The following CLNK variants were observed in gnomAD, a reference collection of about 807,000 sequenced individuals.
The protein encoded by CLNK is cytokine dependent hematopoietic cell linker, also known as cytokine-dependent hematopoietic cell linker.
CLNK carries 74 observed loss-of-function variants against 68.6 expected under a neutral mutation model. That is an observed-to-expected ratio of 1.08 (90% CI 0.89 to 1.31). The LOEUF is 1.31. Ranked by LOEUF, CLNK falls within the 50% of genes most tolerant of loss-of-function variation. CLNK has a pLI of 0.00. For missense variants in CLNK, 553 were observed against 515.3 expected, an observed-to-expected ratio of 1.07 and a Z score of -0.71; for synonymous variants, 198 against 172.2, an observed-to-expected ratio of 1.15 and a Z score of -1.17.
At chr4:10,720,583 G>A in the CLNK span, among the ~76,000 whole-genome samples, 2 of 150,524 alleles carry the variant, frequency 1.3e-5, no homozygotes, top group Non-Finnish European at 3.0e-5. Flanking sequence ...TCCGCAAAAC[G>A]TGTACCATTT....
At chr4:10,602,639 A>G (rs1721631387) in intron 2 of CLNK, among the ~76,000 whole-genome samples, 1 of 152,194 alleles carries the variant, frequency 6.6e-6, no homozygotes, top group South Asian at 2.1e-4. Flanking sequence ...GAACGGTGAG[A>G]GTAAATCTCT....
the CLNK span, among the ~76,000 whole-genome samples, chr4:10,717,489 G>A: frequency 4.6e-5 from 7 of 152,262 alleles, no homozygotes; most frequent in South Asian, 8.3e-4. Context: ...CCAGCTCCTC[G>A]GGAGGCTGAG....
rs145258318 is a variant in CLNK at position 10,608,409 on chromosome 4, A to C, written c.12-10360T>G. On this transcript the variant is annotated intron_variant, in intron 2 of 18. Coordinates refer to ENST00000226951, the MANE Select transcript of CLNK (RefSeq NM_052964.4). The stretch of plus-strand genomic sequence containing the variant: ...CTCTCCTTGGTCTTCTGGTACCAGC[A>C]CAGATGCCATCCTTTCCAATAATCT... 2.0e-5 allele frequency among the ~76,000 whole-genome samples: 3 copies of C among 152,150 alleles called. No individual in the cohort carries two copies. In the South Asian group the frequency reaches 6.2e-4, roughly 32 times the overall value.
chr4:10,727,547 A>AGT, the CLNK span, among the ~76,000 whole-genome samples: 1 of 152,216 alleles, frequency 6.6e-6, no homozygotes, highest in Non-Finnish European at 1.5e-5. Context: ...GCTATTCTAA[A>AGT]GTGTGATCAG....
At chr4:10,618,879 A>G (rs1463513736) in intron 2 of CLNK, among the ~76,000 whole-genome samples, 1 of 152,174 alleles carries the variant, frequency 6.6e-6, no homozygotes, top group Non-Finnish European at 1.5e-5. Flanking sequence ...GGATCCAATC[A>G]CGTCCCACCA....
chr4:10,605,868 G>GAAAGA, intron 2 of CLNK, among the ~76,000 whole-genome samples: 1 of 148,310 alleles, frequency 6.7e-6, no homozygotes, highest in South Asian at 2.1e-4. Context: ...AAAAGAAAAG[G>GAAAGA]AAGTGGTATA....
At chr4:10,537,803 TC>T (rs1718860124) in intron 11 of CLNK, among the ~76,000 whole-genome samples, 1 of 150,548 alleles carries the variant, frequency 6.6e-6, no homozygotes, top group Non-Finnish European at 1.5e-5. Context: ...GTTTGTTCTT[TC>T]TTTTCTTTTC....
chr4:10,535,331 A>G lies in CLNK; in HGVS notation c.603-3048T>C, dbSNP rs552943370. Among the ~76,000 whole-genome samples the G allele has an allele frequency of 3.3e-5, 5 of 152,308 alleles. No homozygotes were observed. The South Asian group carries it at 1.0e-3, about 32-fold the overall frequency. ...CTTAAATATTGGGTGCTTCATTTAA[A>G]TTATATTTTGGCTGAACCCTGCACC... is the stretch of plus-strand genomic sequence containing the variant. On this transcript the variant is annotated intron_variant, in intron 11 of 18. Transcript: ENST00000226951.
chr4:10,647,192 C>A (rs1278147122), intron 2 of CLNK, among the ~76,000 whole-genome samples: 2 of 152,096 alleles, frequency 1.3e-5, no homozygotes, highest in African/African-American at 4.8e-5. Context: ...CCTGAAGTTA[C>A]CACAAAAACT....
intron 3 of CLNK, among the ~76,000 whole-genome samples, chr4:10,586,413 C>T (rs1280169901): frequency 7.0e-6 from 1 of 143,350 alleles, no homozygotes; most frequent in Non-Finnish European, 1.5e-5. Context: ...CTCCCAGGTT[C>T]AAGCAATTCT....
rs139151570 is a variant in CLNK, at chr4:10,680,479, G to A, written c.-43+4189C>T. On this transcript the variant is annotated intron_variant, in intron 1 of 18. Transcript: ENST00000226951. ...ACATGTATACATATGTAACAAACCT[G>A]CACGTTGTGCACATGTACCCTAAAA... Among the ~76,000 whole-genome samples the A allele has an allele frequency of 2.7e-3, 409 of 151,946 alleles. 3 individuals are homozygous for A. The highest frequency in any genetic ancestry group is 9.5e-3 in the African/African-American group (392 of 41,412).
chr4:10,712,751 AT>A, the CLNK span, among the ~76,000 whole-genome samples: 1 of 152,182 alleles, frequency 6.6e-6, no homozygotes, highest in Non-Finnish European at 1.5e-5. Context: ...ACTACCCCAA[AT>A]TGCTTCTATA....
rs369357566 is a variant in CLNK, at chr4:10,606,881, G to T, written c.12-8832C>A. On this transcript the variant is annotated intron_variant, in intron 2 of 18. Coordinates refer to ENST00000226951, the MANE Select transcript of CLNK (RefSeq NM_052964.4). ...CTGTAGTCATTGGGAACAGCTTCTT[G>T]ACAGATACAGGAGAAAAAAAATGTT... Among the ~76,000 whole-genome samples, 10 of 152,236 alleles carry T rather than the reference G, an allele frequency of 6.6e-5. No individual in the cohort carries two copies. The East Asian group carries it at 1.5e-3, about 23-fold the overall frequency.
At chr4:10,534,885 C>T (rs146647329) in intron 11 of CLNK, among the ~76,000 whole-genome samples, 3 of 152,214 alleles carry the variant, frequency 2.0e-5, no homozygotes, top group Non-Finnish European at 4.4e-5. Context: ...CAATACTTTC[C>T]ATTCATAAAT....
chr4:10,702,513 A>T, the CLNK span, among the ~76,000 whole-genome samples: 92,235 of 152,052 alleles, frequency 0.61, 28,474 homozygotes, highest in Middle Eastern at 0.77. Flanking sequence ...TGGATAGAGA[A>T]AGAAGTGCTG....
At chr4:10,631,899 T>C (rs1373300787) in intron 2 of CLNK, among the ~76,000 whole-genome samples, 1 of 152,176 alleles carries the variant, frequency 6.6e-6, no homozygotes, top group Non-Finnish European at 1.5e-5. Flanking sequence ...AGGATTCAAA[T>C]ATGTCTTTTT....
chr4:10,721,408 A>C, the CLNK span, among the ~76,000 whole-genome samples: 1 of 152,234 alleles, frequency 6.6e-6, no homozygotes, highest in Non-Finnish European at 1.5e-5. Flanking sequence ...TGAAATTTTA[A>C]AAGTTTATTG....
chr4:10,610,357 T>C (rs1309020402), intron 2 of CLNK, among the ~76,000 whole-genome samples: 2 of 151,368 alleles, frequency 1.3e-5, no homozygotes, highest in African/African-American at 2.4e-5. Context: ...TTTTTTTTTT[T>C]CTTTTTAATC....
chr4:10,619,616 G>A lies in CLNK; in HGVS notation c.12-21567C>T, dbSNP rs545494037. Reference sequence around the variant, plus strand: ...GGTTGGGGTGGAAAAAGAAAAAAAAGGAAAATAAATAAAAGGGAAAGGAAA... The same window carrying A: ...GGTTGGGGTGGAAAAAGAAAAAAAAAGAAAATAAATAAAAGGGAAAGGAAA... On this transcript the variant is annotated intron_variant, in intron 2 of 18. Coordinates refer to ENST00000226951, the MANE Select transcript of CLNK (RefSeq NM_052964.4). Among the ~76,000 whole-genome samples the A allele has an allele frequency of 9.2e-5, 14 of 152,120 alleles. No individual in the cohort carries two copies. In the South Asian group the frequency reaches 2.3e-3, roughly 25 times the overall value.
Sources: gnomAD v4.1 joint callset for allele counts (sites outside exome capture counted in the v4.1 genomes callset) on GRCh38, gnomAD v4.1.1 for gene constraint, MANE v1.5 for transcripts, NCBI Gene and HGNC (gene_info 2026-07-23, HGNC 2026-07-21) for gene names.